Variants in NRXN3 observed in about 807,000 individuals in gnomAD.
NRXN3 encodes the protein neurexin 3.
A neutral mutation model predicts 137.6 loss-of-function variants in NRXN3; 32 were observed. That is an observed-to-expected ratio of 0.23 (90% CI 0.18 to 0.31). The LOEUF (loss-of-function observed/expected upper bound fraction) is 0.31, where lower values mean the gene tolerates loss of function less well. Among genes scored for constraint, NRXN3 ranks in the 10% least tolerant of loss-of-function variants. The probability of loss-of-function intolerance (pLI) is 1.00; values close to 1 mark genes in which losing one functional copy is unlikely to be tolerated. For synonymous variants in NRXN3, 798 were observed against 784.5 expected (o/e 1.02, Z -0.29); for missense variants, 1,574 against 2,062.5 (o/e 0.76, Z 4.59).
intron 1 of NRXN3, among the ~76,000 whole-genome samples, chr14:78,225,974 G>GTTGGT (rs1394081828): frequency 0.036 from 4,452 of 123,606 alleles, 100 homozygotes; most frequent in East Asian, 0.084. Flanking sequence ...TGTGTGTGTT[G>GTTGGT]GTGTGTGTGT....
At chr14:79,386,711 G>C (rs1397625977) in intron 15 of NRXN3, among the ~76,000 whole-genome samples, 2 of 151,978 alleles carry the variant, frequency 1.3e-5, no homozygotes, top group African/African-American at 2.4e-5. Context: ...ATACTACAAG[G>C]CTACAGTAAC....
chr14:79,681,057 C>T lies in NRXN3; in HGVS notation c.3617-11116C>T, dbSNP rs114419214. On this transcript the variant is annotated intron_variant, in intron 17 of 20. Coordinates refer to ENST00000335750, the MANE Select transcript of NRXN3 (RefSeq NM_001330195.2). ...CCAACTCCCTCAGCCTTACCCTCTC[C>T]TCTCAGGAACTGCATTATTGCATCT... Among the ~76,000 whole-genome samples the T allele has an allele frequency of 1.9e-3, 293 of 152,310 alleles. 2 individuals are homozygous for T. The highest frequency in any genetic ancestry group is 6.7e-3 in the African/African-American group (277 of 41,570).
Position 78,784,536 on chromosome 14 carries a change from A to G in NRXN3, c.2045-19084A>G, listed in dbSNP as rs202040907. ...TCTGGCCAAACCTGGACATAAGATC[A>G]TCCTTTAGCAAGGAAAGAAATCACG... On this transcript the variant is annotated intron_variant, in intron 8 of 20. Transcript: ENST00000335750. Among the ~76,000 whole-genome samples the G allele has an allele frequency of 2.0e-5, 3 of 152,332 alleles. No homozygotes were observed. The East Asian group carries it at 5.8e-4, about 29-fold the overall frequency.
chr14:78,287,536 T>C (rs1166944806), intron 3 of NRXN3, among the ~76,000 whole-genome samples: 1 of 152,242 alleles, frequency 6.6e-6, no homozygotes, highest in African/African-American at 2.4e-5. Flanking sequence ...CACCTAATTT[T>C]TGAATCTCTT....
chr14:78,395,347 TTTG>T (rs767595257), intron 4 of NRXN3, among the ~76,000 whole-genome samples: 9 of 152,060 alleles, frequency 5.9e-5, no homozygotes, highest in South Asian at 2.1e-4. Flanking sequence ...TTTACTTGTT[TTTG>T]TTGTTGTTGT....
chr14:79,541,115 A>G (rs539180165), intron 16 of NRXN3, among the ~76,000 whole-genome samples: 2 of 152,190 alleles, frequency 1.3e-5, no homozygotes, highest in South Asian at 4.1e-4. Flanking sequence ...CTCTTCTTCT[A>G]AAGACACTTG....
rs2099414873 is a variant in NRXN3 at position 79,862,263 on chromosome 14, TCCA to T, written c.*304_*306del. 4.0e-6 allele frequency: 1 copy of T among 247,478 alleles called. No individual in the cohort carries two copies. The highest frequency in any genetic ancestry group is 2.2e-5 in the African/African-American group (1 of 44,858). 15.3% of individuals were successfully genotyped at this position (247,478 alleles called of 1,614,324 possible). A position where few individuals can be genotyped will look rare whatever the true frequency, so the allele number is the denominator to read the frequency against. ...TAGCGCTCTGGAGCCGGACGGTGGC[TCCA>T]CCACTTCCGCAGGCCTGGAAACTTC... On this transcript the variant is annotated 3_prime_UTR_variant, in exon 21 of 21. Transcript: ENST00000335750.
rs760714409 is a variant in NRXN3 at position 78,989,359 on chromosome 14, G to GT, written c.3262+1224dup. ...GCTGTCTGTTGTTGTTCTTTTTCCC[G>GT]TTTTTTCTCAGTAGTTTTGGTCCCA... On this transcript the variant is annotated intron_variant, in intron 15 of 20. Transcript: ENST00000335750. 2.2e-4 allele frequency among the ~76,000 whole-genome samples: 33 copies of GT among 151,966 alleles called. No individual in the cohort carries two copies. The East Asian group carries it at 2.3e-3, about 11-fold the overall frequency.
At chr14:78,892,944 G>T (rs1938921347) in intron 10 of NRXN3, among the ~76,000 whole-genome samples, 1 of 151,992 alleles carries the variant, frequency 6.6e-6, no homozygotes, top group East Asian at 1.9e-4. Context: ...AAGGATGACT[G>T]TGCTCTGAAG....
At chr14:78,526,816 G>A (rs1158946409) in intron 4 of NRXN3, 5 of 509,738 alleles carry the variant, frequency 9.8e-6, no homozygotes, top group South Asian at 5.8e-5. Flanking sequence ...AAAGTCTGTG[G>A]AAGAAAGGGG....
At position 79,279,385 on chromosome 14, in the gene NRXN3, A is replaced by G. The variant is rs963290826; in HGVS notation, c.3263-187836A>G. The G allele has an allele frequency of 5.1e-6, 5 of 985,966 alleles. No individual in the cohort carries two copies. The African/African-American group carries it at 7.0e-5, about 14-fold the overall frequency. 61.1% of individuals were successfully genotyped at this position (985,966 alleles called of 1,614,324 possible). A position where few individuals can be genotyped will look rare whatever the true frequency, so the allele number is the denominator to read the frequency against. On this transcript the variant is annotated intron_variant, in intron 15 of 20. Transcript: ENST00000335750. Reference sequence around the variant, plus strand: ...ATTTGGCTCCCCAACTCCTCGCTTCACTTCACCTGTGCCTCCCTGGTCCGC... The same window carrying G: ...ATTTGGCTCCCCAACTCCTCGCTTCGCTTCACCTGTGCCTCCCTGGTCCGC...
intron 8 of NRXN3, among the ~76,000 whole-genome samples, chr14:78,778,252 C>T (rs977780300): frequency 2.6e-5 from 4 of 152,174 alleles, no homozygotes; most frequent in Non-Finnish European, 5.9e-5. Flanking sequence ...AGAATGGTTT[C>T]TGCTTCTTAC....
rs1173189252 is a variant in NRXN3 at position 78,242,662 on chromosome 14, T to A, written c.-432T>A. The A allele has an allele frequency of 6.1e-6, 1 of 163,458 alleles. No individual in the cohort carries two copies. Among genetic ancestry groups the A allele is most frequent in the Admixed American group, 6.1e-5 (1 of 16,422 alleles). 10.1% of individuals were successfully genotyped at this position (163,458 alleles called of 1,614,324 possible). ...CCTCCCTGTCCCTGGCCTCCCTGGCTGGGGCATTTGGGGGTCCGCTGGGAG... is the reference window on the plus strand; with the variant it reads ...CCTCCCTGTCCCTGGCCTCCCTGGCAGGGGCATTTGGGGGTCCGCTGGGAG... On this transcript the variant is annotated 5_prime_UTR_variant, in exon 2 of 21. Transcript: ENST00000335750.
At chr14:78,633,187 A>G (rs1240084611) in intron 4 of NRXN3, among the ~76,000 whole-genome samples, 5 of 146,880 alleles carry the variant, frequency 3.4e-5, no homozygotes, top group African/African-American at 7.7e-5. Context: ...CCCGGGAGGC[A>G]GAGCTTGCAG....
intron 16 of NRXN3, among the ~76,000 whole-genome samples, chr14:79,552,517 C>T (rs560216366): frequency 4.6e-5 from 7 of 152,128 alleles, no homozygotes; most frequent in South Asian, 2.1e-4. Flanking sequence ...GGAGAGAAGG[C>T]GTACAAATTT....
intron 16 of NRXN3, among the ~76,000 whole-genome samples, chr14:79,501,492 A>C (rs2096826024): frequency 6.6e-6 from 1 of 152,316 alleles, no homozygotes; most frequent in African/African-American, 2.4e-5. Context: ...GCATAAGCTA[A>C]GGGTTAGGAA....
chr14:78,778,682 CT>C (rs1449037539), intron 8 of NRXN3, among the ~76,000 whole-genome samples: 7 of 72,910 alleles, frequency 9.6e-5, no homozygotes, highest in African/African-American at 3.9e-4. Flanking sequence ...CTTTTCTTTT[CT>C]TTCTTTCTTT....
intron 16 of NRXN3, among the ~76,000 whole-genome samples, chr14:79,497,638 G>A (rs76193345): frequency 0.092 from 13,987 of 152,042 alleles, 773 homozygotes; most frequent in South Asian, 0.24. Context: ...GGCTCCCAGG[G>A]GTTAGTGACT....
chr14:78,715,374 C>G (rs180747598), intron 8 of NRXN3, among the ~76,000 whole-genome samples: 1 of 152,236 alleles, frequency 6.6e-6, no homozygotes, highest in Admixed American at 6.5e-5. Flanking sequence ...GATTATGATA[C>G]TTTTTGATTA....
Sources: gnomAD v4.1 joint callset for allele counts (sites outside exome capture counted in the v4.1 genomes callset) on GRCh38, gnomAD v4.1.1 for gene constraint, MANE v1.5 for transcripts, NCBI Gene and HGNC (gene_info 2026-07-23, HGNC 2026-07-21) for gene names.